EIPR1: variants seen among roughly 807,000 people sequenced by gnomAD.
EIPR1 encodes EARP complex and GARP complex interacting protein 1, also known as EARP and GARP complex-interacting protein 1.
A neutral mutation model predicts 48.1 loss-of-function variants in EIPR1; 25 were observed. The observed-to-expected ratio is 0.52, with a 90% CI of 0.38 to 0.73. EIPR1 has a LOEUF of 0.73. Ranked by LOEUF, EIPR1 falls within the 30% of genes least tolerant of loss-of-function variation. The pLI is 0.00. For synonymous variants in EIPR1, 204 were observed against 201.9 expected (o/e 1.01, Z -0.09); for missense variants, 415 against 506.2 (o/e 0.82, Z 1.73).
chr2:3,208,651 T>C, intron 5 of EIPR1: 7 of 1,550,638 alleles, frequency 4.5e-6, no homozygotes, highest in Non-Finnish European at 6.1e-6. Context: ...GCTTGGCATA[T>C]GGCTGACTTC....
intron 3 of EIPR1, among the ~76,000 whole-genome samples, chr2:3,293,951 A>T (rs1668449334): frequency 6.6e-6 from 1 of 152,210 alleles, no homozygotes; most frequent in African/African-American, 2.4e-5. Context: ...AATGGTGGCT[A>T]TTTGAACACC....
intron 5 of EIPR1, among the ~76,000 whole-genome samples, chr2:3,210,360 T>C (rs1445985376): frequency 6.6e-6 from 1 of 152,100 alleles, no homozygotes; most frequent in Non-Finnish European, 1.5e-5. Context: ...CATCTGTTTT[T>C]CCAGAACTCA....
rs901434277 is a variant in EIPR1, at chr2:3,243,612, C to G, written c.416+13687G>C. 2.6e-5 allele frequency among the ~76,000 whole-genome samples: 4 copies of G among 151,932 alleles called. No homozygotes were observed. In the South Asian group the frequency reaches 8.3e-4, roughly 32 times the overall value. On this transcript the variant is annotated intron_variant, in intron 4 of 8. Transcript: ENST00000382125. ...CGCCACTGCACTCCAGCCTGGGTGA[C>G]AAGAGTAAGACTCCATCTCAAAAAA... is the stretch of plus-strand genomic sequence containing the variant.
At chr2:3,214,503 G>C in intron 4 of EIPR1, 1 of 371,880 alleles carries the variant, frequency 2.7e-6, no homozygotes, top group East Asian at 5.2e-5. Flanking sequence ...ATGCTGCAGA[G>C]GTTCGTCAAT....
At chr2:3,270,920 T>C (rs1250447493) in intron 3 of EIPR1, among the ~76,000 whole-genome samples, 1 of 152,254 alleles carries the variant, frequency 6.6e-6, no homozygotes, top group Non-Finnish European at 1.5e-5. Context: ...TTATGCACAG[T>C]AGAACTTCTT....
intron 4 of EIPR1, among the ~76,000 whole-genome samples, chr2:3,253,196 C>T (rs1447907850): frequency 6.6e-6 from 1 of 152,194 alleles, no homozygotes; most frequent in Non-Finnish European, 1.5e-5. Flanking sequence ...TAGACAAATT[C>T]AACCAATTGT....
intron 3 of EIPR1, among the ~76,000 whole-genome samples, chr2:3,304,882 TTCCCGTCCAGTTCAACCCTCCAA>T (rs1572418733): frequency 2.0e-5 from 1 of 49,398 alleles, no homozygotes; most frequent in Non-Finnish European, 4.1e-5. Context: ...CAGCCCTCCA[TTCCCGTCCAGTTCAACCCTCCAA>T]TCCCGTCCAG....
At chr2:3,296,030 CCT>C (rs1668572664) in intron 3 of EIPR1, among the ~76,000 whole-genome samples, 1 of 128,744 alleles carries the variant, frequency 7.8e-6, no homozygotes, top group South Asian at 2.8e-4. Context: ...TCCAGCCCAT[CCT>C]CTCTACTCAC....
At chr2:3,257,565 T>A in intron 3 of EIPR1, 110 bp from the exon 4 acceptor site, 8 of 1,330,382 alleles carry the variant, frequency 6.0e-6, no homozygotes, top group Non-Finnish European at 8.2e-6. Flanking sequence ...CATCTGCTCT[T>A]TAAAATATGT....
At chr2:3,222,940 G>T (rs951729706) in intron 4 of EIPR1, among the ~76,000 whole-genome samples, 1 of 152,134 alleles carries the variant, frequency 6.6e-6, no homozygotes, top group African/African-American at 2.4e-5. Flanking sequence ...ACCAATCACG[G>T]TTTTGTGTGT....
chr2:3,264,313 C>T (rs1667422961), intron 3 of EIPR1, among the ~76,000 whole-genome samples: 1 of 152,212 alleles, frequency 6.6e-6, no homozygotes, highest in Non-Finnish European at 1.5e-5. Flanking sequence ...GGCAGGATTT[C>T]CTTCCTTCTT....
intron 3 of EIPR1, among the ~76,000 whole-genome samples, chr2:3,336,438 G>C (rs1670044369): frequency 6.6e-6 from 1 of 152,160 alleles, no homozygotes; most frequent in Non-Finnish European, 1.5e-5. Flanking sequence ...GGAAGGCAGG[G>C]CCCTCAGAGG....
At chr2:3,224,668 C>T (rs921452232) in intron 4 of EIPR1, among the ~76,000 whole-genome samples, 1 of 152,212 alleles carries the variant, frequency 6.6e-6, no homozygotes, top group African/African-American at 2.4e-5. Flanking sequence ...ACAAGACCTC[C>T]CCACCACACG....
At chr2:3,250,377 T>C (rs568921384) in intron 4 of EIPR1, among the ~76,000 whole-genome samples, 6 of 152,380 alleles carry the variant, frequency 3.9e-5, no homozygotes, top group African/African-American at 1.4e-4. Context: ...TTGGCTGATT[T>C]CTTCCTTTTG....
chr2:3,329,323 G>A (rs1210417545), intron 3 of EIPR1, among the ~76,000 whole-genome samples: 3 of 151,776 alleles, frequency 2.0e-5, no homozygotes, highest in Admixed American at 2.0e-4. Flanking sequence ...CCCTGAATCA[G>A]AGCCCACCCA....
At chr2:3,334,510 C>T (rs1669986374) in intron 3 of EIPR1, among the ~76,000 whole-genome samples, 1 of 152,220 alleles carries the variant, frequency 6.6e-6, no homozygotes, top group South Asian at 2.1e-4. Flanking sequence ...TCCGGAGGCA[C>T]CTGAAGCAGG....
intron 2 of EIPR1, among the ~76,000 whole-genome samples, chr2:3,348,585 C>T (rs1670473866): frequency 6.6e-6 from 1 of 152,246 alleles, no homozygotes; most frequent in Non-Finnish European, 1.5e-5. Context: ...GGAGCTATGA[C>T]AGAGTCCTGT....
intron 3 of EIPR1, among the ~76,000 whole-genome samples, chr2:3,277,145 T>C (rs1171252187): frequency 9.2e-5 from 14 of 151,982 alleles, no homozygotes; most frequent in Admixed American, 9.2e-4. Flanking sequence ...AGTGCAATGT[T>C]GGGGGAGAAA....
chr2:3,219,234 A>ATT (rs1665772732), intron 4 of EIPR1, among the ~76,000 whole-genome samples: 1 of 139,896 alleles, frequency 7.1e-6, no homozygotes, highest in African/African-American at 2.7e-5. Context: ...GCCCTGGTAT[A>ATT]CTCTAGAGCA....
Sources: gnomAD v4.1 joint callset for allele counts (sites outside exome capture counted in the v4.1 genomes callset) on GRCh38, gnomAD v4.1.1 for gene constraint, MANE v1.5 for transcripts, NCBI Gene and HGNC (gene_info 2026-07-23, HGNC 2026-07-21) for gene names.